DENND4C: variants seen among roughly 807,000 people sequenced by gnomAD.
The protein encoded by DENND4C is DENN domain containing 4C.
A neutral mutation model predicts 203.0 loss-of-function variants in DENND4C; 108 were observed. The observed-to-expected ratio is 0.53, with a 90% confidence interval of 0.46 to 0.62. DENND4C has a LOEUF of 0.62. Ranked by LOEUF, DENND4C falls within the 20% of genes least tolerant of loss-of-function variation. The pLI is 0.00. For missense variants in DENND4C, 2,481 were observed against 2,301.2 expected (o/e 1.08, Z -1.60); for synonymous variants, 871 against 792.4 (o/e 1.10, Z -1.67).
Position 19,373,056 on chromosome 9 carries a change from A to G in DENND4C, c.*883A>G, listed in dbSNP as rs1224530111. ...ACTACTACTAAACTTGTCTGTAGTC[A>G]TTAATCTTAAAATTACCTGAAAATC... On this transcript the variant is annotated 3_prime_UTR_variant, in exon 33 of 33. Coordinates refer to ENST00000434457, the MANE Select transcript of DENND4C (RefSeq NM_001330640.2). The G allele has an allele frequency of 6.6e-6, 1 of 152,220 alleles. No homozygotes were observed. Among genetic ancestry groups the G allele is most frequent in the African/African-American group, 2.4e-5 (1 of 41,452 alleles). 9.4% of individuals were successfully genotyped at this position (152,220 alleles called of 1,614,324 possible).
At chr9:19,313,086 T>C (rs1178398469) in intron 10 of DENND4C, among the ~76,000 whole-genome samples, 1 of 152,196 alleles carries the variant, frequency 6.6e-6, no homozygotes, top group Non-Finnish European at 1.5e-5. Context: ...AATGAATTAT[T>C]CTGTTTTTTT....
intron 3 of DENND4C, among the ~76,000 whole-genome samples, chr9:19,287,579 T>G (rs1355805985): frequency 1.3e-5 from 2 of 152,078 alleles, no homozygotes; most frequent in Admixed American, 6.6e-5. Flanking sequence ...ACTCTTGACC[T>G]TAAGTGATCC....
chr9:19,327,966 G>A (rs561829443), intron 15 of DENND4C, 64 bp from the exon 16 acceptor site: 26 of 1,440,340 alleles, frequency 1.8e-5, no homozygotes, highest in African/African-American at 1.0e-4. Flanking sequence ...TTGCCTAAAC[G>A]CTGGAATAAT....
At chr9:19,269,980 G>A (rs1007881592) in intron 1 of DENND4C, among the ~76,000 whole-genome samples, 28 of 152,186 alleles carry the variant, frequency 1.8e-4, no homozygotes, top group African/African-American at 6.8e-4. Flanking sequence ...ACATTAGGGA[G>A]CACCTTAAGC....
chr9:19,283,949 C>A (rs1834687323), intron 2 of DENND4C, among the ~76,000 whole-genome samples: 1 of 152,120 alleles, frequency 6.6e-6, no homozygotes. Context: ...TTATTTTCTT[C>A]CCTTTGTCAG....
In DENND4C at chr9:19,306,756, T is replaced by TTTA. The variant is rs1313510607; in HGVS notation, c.1487+1232_1487+1234dup. On this transcript the variant is annotated intron_variant, in intron 10 of 32. Coordinates refer to ENST00000434457, the MANE Select transcript of DENND4C (RefSeq NM_001330640.2). ...GTGTTTGCACAATTGTATTTATTTATTTATTTATTTATTTATTTATTTATT... is the reference window on the plus strand; with the variant it reads ...GTGTTTGCACAATTGTATTTATTTATTTATTATTTATTTATTTATTTATTTATT... Among the ~76,000 whole-genome samples the TTTA allele has an allele frequency of 4.0e-3, 560 of 139,338 alleles. 2 individuals carry two copies. The highest frequency in any genetic ancestry group is 0.016 in the African/African-American group (526 of 32,382). 91.4% of individuals were successfully genotyped at this position (139,338 alleles called of 152,430 possible). A position where few individuals can be genotyped will look rare whatever the true frequency, so the allele number is the denominator to read the frequency against.
chr9:19,234,267 G>A (rs1001429874), intron 1 of DENND4C, among the ~76,000 whole-genome samples: 3 of 151,286 alleles, frequency 2.0e-5, no homozygotes, highest in Admixed American at 1.3e-4. Flanking sequence ...GTCTCGCTCT[G>A]TTGCCCAAGC....
intron 10 of DENND4C, among the ~76,000 whole-genome samples, chr9:19,315,643 A>G (rs1841698204): frequency 1.3e-5 from 2 of 151,326 alleles, no homozygotes; most frequent in African/African-American, 4.8e-5. Flanking sequence ...TTCGGAATAT[A>G]AAATTTTGGA....
At chr9:19,261,269 G>C (rs566347053) in intron 1 of DENND4C, among the ~76,000 whole-genome samples, 1 of 152,070 alleles carries the variant, frequency 6.6e-6, no homozygotes, top group African/African-American at 2.4e-5. Context: ...TATAGCTCTA[G>C]TATAATTTGA....
At chr9:19,356,788 TGAGAGAGAGAGA>T (rs60635871) in intron 26 of DENND4C, among the ~76,000 whole-genome samples, 172 bp from the exon 27 acceptor site, 53 of 140,382 alleles carry the variant, frequency 3.8e-4, no homozygotes, top group Non-Finnish European at 6.9e-4. Context: ...TGTGTGTGTG[TGAGAGAGAGAGA>T]GAGAGAGAGA....
intron 10 of DENND4C, among the ~76,000 whole-genome samples, chr9:19,312,550 A>C (rs1448369128): frequency 6.6e-6 from 1 of 152,248 alleles, no homozygotes; most frequent in African/African-American, 2.4e-5. Flanking sequence ...ACAAGAAACT[A>C]GTGATTATGT....
At chr9:19,335,440 T>A (rs1820235173) in intron 18 of DENND4C, among the ~76,000 whole-genome samples, 2 of 152,130 alleles carry the variant, frequency 1.3e-5, no homozygotes, top group Non-Finnish European at 2.9e-5. Flanking sequence ...TCAATAGATT[T>A]CTTGAATTTA....
chr9:19,279,460 T>C (rs1467131870), intron 2 of DENND4C, among the ~76,000 whole-genome samples: 19 of 151,874 alleles, frequency 1.3e-4, no homozygotes, highest in Admixed American at 1.2e-3. Context: ...CGATCACTTG[T>C]GGTCAGGAGT....
chr9:19,365,829 A>G (rs1408296743), intron 30 of DENND4C, among the ~76,000 whole-genome samples: 1 of 151,994 alleles, frequency 6.6e-6, no homozygotes, highest in African/African-American at 2.4e-5. Flanking sequence ...ATTTATTTAT[A>G]ATAGCATTAG....
intron 22 of DENND4C, among the ~76,000 whole-genome samples, chr9:19,344,890 G>C (rs1193742074): frequency 3.9e-5 from 6 of 152,134 alleles, no homozygotes; most frequent in African/African-American, 1.4e-4. Flanking sequence ...GTGTTAGCAT[G>C]GTGAGTTCTG....
Position 19,303,187 on chromosome 9 carries a change from T to C in DENND4C, c.1312-2165T>C, listed in dbSNP as rs1838951958. Among the ~76,000 whole-genome samples, 3 of 152,214 alleles carry C rather than the reference T, an allele frequency of 2.0e-5. 1 individual carries two copies. The South Asian group carries it at 6.2e-4, about 32-fold the overall frequency. ...CCTAAATGCTTCTGTGAGCAATTTC[T>C]TTTCTGTGTCATGTTGGTGCTCAAA... On this transcript the variant is annotated intron_variant, in intron 9 of 32. Transcript: ENST00000434457.
chr9:19,355,990 T>C (rs1825312898), intron 26 of DENND4C, among the ~76,000 whole-genome samples: 1 of 152,172 alleles, frequency 6.6e-6, no homozygotes, highest in African/African-American at 2.4e-5. Flanking sequence ...ACAAGCATTT[T>C]ATTTTATATT....
intron 7 of DENND4C, 70 bp from the exon 8 acceptor site, chr9:19,299,159 T>C (rs1050307796): frequency 1.8e-6 from 2 of 1,137,874 alleles, no homozygotes; most frequent in Non-Finnish European, 2.5e-6. Context: ...ATTTCAAAAG[T>C]AGTTTTGAAA....
intron 22 of DENND4C, among the ~76,000 whole-genome samples, chr9:19,344,612 C>T (rs1822390766): frequency 6.6e-6 from 1 of 152,174 alleles, no homozygotes; most frequent in Non-Finnish European, 1.5e-5. Context: ...GAGGATTCTC[C>T]CGCCTCAGAC....
Sources: allele counts gnomAD v4.1 joint callset (sites outside exome capture counted in the v4.1 genomes callset), GRCh38; gene constraint gnomAD v4.1.1; transcripts MANE v1.5; gene names NCBI Gene and HGNC (gene_info 2026-07-23, HGNC 2026-07-21).